The following LGR6 variants were observed in gnomAD, a reference collection of about 807,000 sequenced individuals.
LGR6 encodes the protein leucine-rich repeat-containing G protein-coupled receptor 6.
LGR6 carries 45 observed loss-of-function variants against 69.4 expected under a neutral mutation model. The observed-to-expected ratio is 0.65, with a 90% CI of 0.51 to 0.83. The LOEUF (loss-of-function observed/expected upper bound fraction) is 0.83. Among genes scored for constraint, LGR6 ranks in the 40% least tolerant of loss-of-function variants. The pLI, the probability that LGR6 is intolerant of heterozygous loss-of-function variation, is 0.00. For synonymous variants in LGR6, 538 were observed against 555.0 expected (o/e 0.97, Z 0.43); for missense variants, 1,108 against 1,246.7 (o/e 0.89, Z 1.68).
chr1:202,319,415 G>A lies in LGR6; in HGVS notation c.*208G>A, dbSNP rs1488884835. The stretch of plus-strand genomic sequence containing the variant: ...CCTGGCTTTCCCTTGGCCTTCCTCA[G>A]CTTCACCTTGATACTGGGCCTCTTC... On this transcript the variant is annotated 3_prime_UTR_variant, in exon 18 of 18. Transcript: ENST00000367278. The A allele has an allele frequency of 3.6e-6, 2 of 551,314 alleles. No homozygotes were observed. The highest frequency in any genetic ancestry group is 1.9e-5 in the African/African-American group (1 of 52,990). The allele number at this position is 551,314 out of a possible 1,614,324, so 34.2% of individuals were successfully genotyped here.
chr1:202,227,084 A>G (rs928401488), intron 2 of LGR6, among the ~76,000 whole-genome samples: 2 of 152,204 alleles, frequency 1.3e-5, no homozygotes, highest in Admixed American at 6.5e-5. Flanking sequence ...AACCCAAGCT[A>G]GGAGACCTCA....
intron 5 of LGR6, among the ~76,000 whole-genome samples, chr1:202,279,391 G>A (rs927712677): frequency 1.3e-5 from 2 of 152,150 alleles, no homozygotes; most frequent in African/African-American, 4.8e-5. Context: ...TCTATGTTGG[G>A]TGAGGCCTGC....
At chr1:202,205,459 T>TAA (rs1659160339) in intron 1 of LGR6, among the ~76,000 whole-genome samples, 23 of 19,792 alleles carry the variant, frequency 1.2e-3, no homozygotes, top group East Asian at 3.9e-3. Flanking sequence ...CACACACACC[T>TAA]CCAAACACAC....
chr1:202,202,494 G>A lies in LGR6; in HGVS notation c.212+8293G>A, dbSNP rs533253257. 1.8e-4 allele frequency among the ~76,000 whole-genome samples: 27 copies of A among 152,322 alleles called. No individual in the cohort carries two copies. The South Asian group carries it at 5.2e-3, about 29-fold the overall frequency. ...AGAAAGAGTGCATGTTTGCAGCCAA[G>A]CAGACATGGGTTCGAGGCTAAGTTC... is the stretch of plus-strand genomic sequence containing the variant. On this transcript the variant is annotated intron_variant, in intron 1 of 17. Transcript: ENST00000367278.
intron 4 of LGR6, among the ~76,000 whole-genome samples, chr1:202,267,482 T>A (rs1664766567): frequency 6.6e-6 from 1 of 152,124 alleles, no homozygotes; most frequent in Admixed American, 6.5e-5. Flanking sequence ...GGACAGGCCT[T>A]TCAGGACAAG....
chr1:202,237,343 G>C (rs1383070424), intron 4 of LGR6, among the ~76,000 whole-genome samples: 1 of 152,222 alleles, frequency 6.6e-6, no homozygotes, highest in Non-Finnish European at 1.5e-5. Context: ...CCCACCCGCA[G>C]GGGCAGACTA....
At chr1:202,282,840 C>T (rs1023821104) in intron 6 of LGR6, among the ~76,000 whole-genome samples, 3 of 152,228 alleles carry the variant, frequency 2.0e-5, no homozygotes, top group Non-Finnish European at 2.9e-5. Context: ...TGCCGCTAAG[C>T]GCCCACTGTA....
At chr1:202,291,569 A>G (rs905250428) in intron 6 of LGR6, among the ~76,000 whole-genome samples, 5 of 152,362 alleles carry the variant, frequency 3.3e-5, no homozygotes, top group Non-Finnish European at 5.9e-5. Context: ...TGGGAGATCC[A>G]AAAGTGAACC....
chr1:202,194,699 TG>T (rs67586351), intron 1 of LGR6: 9,714 of 93,274 alleles, frequency 0.1, 1,405 homozygotes, highest in Middle Eastern at 0.14. Context: ...GTGGCCTTCG[TG>T]GGGGCGGGGG....
chr1:202,222,705 C>T lies in LGR6; in HGVS notation c.213-2718C>T, dbSNP rs546041118. 3.9e-4 allele frequency among the ~76,000 whole-genome samples: 59 copies of T among 152,308 alleles called. 1 individual carries two copies. In the South Asian group the frequency reaches 8.7e-3, roughly 22 times the overall value. On this transcript the variant is annotated intron_variant, in intron 1 of 17. Transcript: ENST00000367278. ...TTGGGTTTCTGTGGGTGCCACCCTA[C>T]GTTCCCCTGACACTGTCCAGTGTGC...
intron 6 of LGR6, among the ~76,000 whole-genome samples, chr1:202,282,995 T>C (rs1666125229): frequency 1.3e-5 from 2 of 152,254 alleles, no homozygotes; most frequent in African/African-American, 4.8e-5. Context: ...TTCTACCAGC[T>C]GTGTGACCTT....
intron 5 of LGR6, among the ~76,000 whole-genome samples, chr1:202,277,868 C>T (rs1256514504): frequency 2.0e-5 from 3 of 151,140 alleles, no homozygotes; most frequent in Admixed American, 2.0e-4. Context: ...TGGGGTGGGA[C>T]CTGGGCCTGG....
rs559202041 is a variant in LGR6 at position 202,309,901 on chromosome 1, G to A, written c.1407-296G>A. Among the ~76,000 whole-genome samples the A allele has an allele frequency of 4.6e-5, 7 of 152,354 alleles. No individual in the cohort carries two copies. In the East Asian group the frequency reaches 1.4e-3, roughly 29 times the overall value. On this transcript the variant is annotated intron_variant, in intron 15 of 17. Transcript: ENST00000367278. The stretch of plus-strand genomic sequence containing the variant: ...GCTTGGGGAAGCCTCTGCCCGCTCT[G>A]AGCCAGCAGAGAGGACTCCTTAAAC...
intron 3 of LGR6, among the ~76,000 whole-genome samples, chr1:202,234,179 T>C (rs1661325497): frequency 6.6e-6 from 1 of 152,262 alleles, no homozygotes; most frequent in African/African-American, 2.4e-5. Context: ...AGCCCTGGGC[T>C]CTGCCCCTTC....
intron 4 of LGR6, among the ~76,000 whole-genome samples, chr1:202,259,431 A>G (rs1002871193): frequency 1.2e-4 from 18 of 152,210 alleles, no homozygotes; most frequent in Admixed American, 7.9e-4. Context: ...TAACATTTCT[A>G]ATTTCTTCTT....
intron 5 of LGR6, among the ~76,000 whole-genome samples, chr1:202,278,775 C>G (rs1665786138): frequency 6.6e-6 from 1 of 152,108 alleles, no homozygotes; most frequent in Non-Finnish European, 1.5e-5. Flanking sequence ...TGTGAGCAGG[C>G]AAGCAGGGTG....
At chr1:202,254,618 G>A (rs1196998067) in intron 4 of LGR6, among the ~76,000 whole-genome samples, 1 of 152,190 alleles carries the variant, frequency 6.6e-6, no homozygotes, top group Non-Finnish European at 1.5e-5. Flanking sequence ...ACCAAATAAG[G>A]GCTGTGAGAC....
At position 202,300,106 on chromosome 1, in the gene LGR6, T is replaced by A. The variant is rs1003712181; in HGVS notation, c.786-743T>A. 3.9e-5 allele frequency among the ~76,000 whole-genome samples: 6 copies of A among 152,346 alleles called. No homozygotes were observed. In the South Asian group the frequency reaches 8.3e-4, roughly 21 times the overall value. ...CAAGCCAGCCTCCATTTGAGGAACA[T>A]CCCTCACTTGGGATCCCCTGGAAGC... On this transcript the variant is annotated intron_variant, in intron 7 of 17. Transcript: ENST00000367278.
At chr1:202,288,287 C>T (rs1445866411) in intron 6 of LGR6, among the ~76,000 whole-genome samples, 1 of 152,186 alleles carries the variant, frequency 6.6e-6, no homozygotes, top group African/African-American at 2.4e-5. Flanking sequence ...CCAGCACTCT[C>T]CATTTTCTAC....
Sources: allele counts gnomAD v4.1 joint callset (sites outside exome capture counted in the v4.1 genomes callset), GRCh38; gene constraint gnomAD v4.1.1; transcripts MANE v1.5; gene names NCBI Gene and HGNC (gene_info 2026-07-23, HGNC 2026-07-21).